SLC8A3: variants seen among roughly 807,000 people sequenced by gnomAD.
SLC8A3 encodes sodium/calcium exchanger 3.
SLC8A3 carries 37 observed loss-of-function variants against 65.4 expected under a neutral mutation model. The ratio of observed to expected loss-of-function variants is 0.57; its 90% CI spans 0.44 to 0.74. The LOEUF (loss-of-function observed/expected upper bound fraction) is 0.74, where lower values mean the gene tolerates loss of function less well. SLC8A3 is among the 30% of genes least tolerant of loss of function. The pLI is 0.00. For missense variants in SLC8A3, 1,112 were observed against 1,172.1 expected (o/e 0.95, Z 0.75); for synonymous variants, 461 against 444.5 (o/e 1.04, Z -0.47).
chr14:70,095,831 C>G (rs111429690), intron 2 of SLC8A3, among the ~76,000 whole-genome samples: 2,270 of 152,200 alleles, frequency 0.015, 24 homozygotes, highest in Middle Eastern at 0.024. Context: ...GTTTTCAGCA[C>G]CTGTTAAGGC....
At chr14:70,130,858 G>A (rs1894781093) in intron 2 of SLC8A3, among the ~76,000 whole-genome samples, 1 of 152,246 alleles carries the variant, frequency 6.6e-6, no homozygotes, top group African/African-American at 2.4e-5. Context: ...GAGCCATAGA[G>A]TAAGAGCCAC....
chr14:70,053,146 A>G (rs1172788383), intron 3 of SLC8A3, among the ~76,000 whole-genome samples: 1 of 152,222 alleles, frequency 6.6e-6, no homozygotes, highest in African/African-American at 2.4e-5. Context: ...GTGTTCGGGC[A>G]CCAAACACAG....
rs1414774425 is a variant in SLC8A3, at chr14:70,188,500, C to G, written c.-184G>C. On this transcript the variant is annotated 5_prime_UTR_variant, in exon 1 of 7. Coordinates refer to ENST00000356921, the MANE Select transcript of SLC8A3 (RefSeq NM_182932.3). ...CTCATCGCCCCCGCGGGCTGCCCGC[C>G]GGCCGCAGCCGCGTCCGGGGCATGT... 4 of 151,940 alleles carry G rather than the reference C, an allele frequency of 2.6e-5. No homozygotes were observed. The highest frequency in any genetic ancestry group is 5.9e-5 in the Non-Finnish European group (4 of 67,968). 9.4% of individuals were successfully genotyped at this position (151,940 alleles called of 1,614,324 possible). A position where few individuals can be genotyped will look rare whatever the true frequency, so the allele number is the denominator to read the frequency against.
intron 2 of SLC8A3, among the ~76,000 whole-genome samples, chr14:70,111,745 C>T (rs779350075): frequency 3.9e-5 from 6 of 152,056 alleles, no homozygotes; most frequent in Admixed American, 1.3e-4. Flanking sequence ...AAAGTGCATG[C>T]GAAAACATGT....
intron 2 of SLC8A3, among the ~76,000 whole-genome samples, chr14:70,061,711 T>G (rs1234820648): frequency 1.3e-5 from 2 of 152,142 alleles, no homozygotes; most frequent in Non-Finnish European, 2.9e-5. Flanking sequence ...TTACAGCTGA[T>G]GCATTTCTGG....
At chr14:70,059,336 C>G (rs1414962916) in intron 3 of SLC8A3, 2 of 152,320 alleles carry the variant, frequency 1.3e-5, no homozygotes, top group South Asian at 4.1e-4. Context: ...TTATGCTGCT[C>G]TTTGTCACAT....
intron 2 of SLC8A3, among the ~76,000 whole-genome samples, chr14:70,086,490 C>G (rs1891455914): frequency 6.7e-6 from 1 of 150,282 alleles, no homozygotes; most frequent in Non-Finnish European, 1.5e-5. Context: ...CAACCTCCGC[C>G]TCCCAGGTTC....
intron 3 of SLC8A3, chr14:70,055,845 G>T: frequency 6.3e-7 from 1 of 1,593,980 alleles, no homozygotes; most frequent in Non-Finnish European, 8.6e-7. Flanking sequence ...AAAAATGGAA[G>T]AAAGAAAAGG....
At chr14:70,162,043 C>T (rs1158325289) in intron 2 of SLC8A3, among the ~76,000 whole-genome samples, 1 of 97,444 alleles carries the variant, frequency 1.0e-5, no homozygotes, top group East Asian at 2.1e-4. Flanking sequence ...TTTCCGTGGG[C>T]TATTTTCCTT....
At chr14:70,157,644 AACATGTC>A (rs1405261501) in intron 2 of SLC8A3, among the ~76,000 whole-genome samples, 1 of 152,174 alleles carries the variant, frequency 6.6e-6, no homozygotes, top group Non-Finnish European at 1.5e-5. Flanking sequence ...GGAGACAGAA[AACATGTC>A]ACCCAGGAGG....
At chr14:70,047,250 C>T (rs1886895820) in intron 6 of SLC8A3, 1 of 152,154 alleles carries the variant, frequency 6.6e-6, no homozygotes, top group African/African-American at 2.4e-5. Context: ...CTCATTATTG[C>T]CATTTTTTTT....
rs532155215 is a variant in SLC8A3 at position 70,092,310 on chromosome 14, A to T, written c.1785-31371T>A. Among the ~76,000 whole-genome samples the T allele has an allele frequency of 1.4e-4, 21 of 152,208 alleles. 1 individual carries two copies. In the South Asian group the frequency reaches 3.5e-3, roughly 26 times the overall value. ...TTGAGGGTGTGCTCAAGTGTCCCTC[A>T]GCTCTCCTGGAATGCTTTCCTGATG... On this transcript the variant is annotated intron_variant, in intron 2 of 6. Transcript: ENST00000356921.
chr14:70,167,635 T>C lies in SLC8A3; in HGVS notation c.788A>G (p.Lys263Arg). 1 of 1,614,154 alleles carries C rather than the reference T, an allele frequency of 6.2e-7. No homozygotes were observed. The highest frequency in any genetic ancestry group is 8.5e-7 in the Non-Finnish European group (1 of 1,180,028). ...KRLLFYKYMH[K>R]KYRTDKHRGI... is the part of the protein sequence containing the mutation. Reference sequence around the variant, plus strand: ...TCGGTGTTTGTCTGTGCGGTACTTTTTGTGCATGTATTTGTAGAAGAGCAG... The same window carrying C: ...TCGGTGTTTGTCTGTGCGGTACTTTCTGTGCATGTATTTGTAGAAGAGCAG... The change falls in exon 2 of 7, where the codon AAA becomes AGA. Residue 263 changes from lysine (K) to arginine (R), a missense_variant. Lys to Arg is a conservative substitution (Grantham distance 26). Coordinates refer to ENST00000356921, the MANE Select transcript of SLC8A3 (RefSeq NM_182932.3).
At chr14:70,149,919 C>G (rs767879198) in intron 2 of SLC8A3, among the ~76,000 whole-genome samples, 1 of 152,176 alleles carries the variant, frequency 6.6e-6, no homozygotes, top group Non-Finnish European at 1.5e-5. Context: ...TTGGGAGCAG[C>G]CTGTCATGTT....
At chr14:70,122,191 T>G (rs1013134337) in intron 2 of SLC8A3, among the ~76,000 whole-genome samples, 3 of 152,202 alleles carry the variant, frequency 2.0e-5, no homozygotes, top group Non-Finnish European at 2.9e-5. Context: ...AGGTGGCATC[T>G]TTTCTGTGTG....
intron 2 of SLC8A3, among the ~76,000 whole-genome samples, chr14:70,106,823 T>C (rs1027227894): frequency 3.9e-5 from 6 of 152,168 alleles, no homozygotes; most frequent in Admixed American, 2.0e-4. Flanking sequence ...TTTGAGAATA[T>C]GGATGCTATG....
intron 2 of SLC8A3, among the ~76,000 whole-genome samples, chr14:70,063,655 G>A (rs1386279539): frequency 6.6e-6 from 1 of 152,200 alleles, no homozygotes; most frequent in South Asian, 2.1e-4. Context: ...GAGGACAGAG[G>A]AGAGGGAGGA....
At position 70,167,107 on chromosome 14, in the gene SLC8A3, G is replaced by C; in HGVS notation, c.1316C>G (p.Ser439Cys). ...CTCATAGTCAGCCCCTGCATTGGCA[G>C]AACCATCCTCTGTTTTGTAGTCCAC... ...MYVDYKTEDGSANAGADYEFT... is the reference protein window; with the variant it reads ...MYVDYKTEDGCANAGADYEFT... The change falls in exon 2 of 7, where the codon TCT becomes TGT. Residue 439 changes from serine (S) to cysteine (C), a missense_variant. Ser to Cys is a moderately radical substitution (Grantham distance 112). Coordinates refer to ENST00000356921, the MANE Select transcript of SLC8A3 (RefSeq NM_182932.3). The C allele has an allele frequency of 6.2e-7, 1 of 1,614,076 alleles. No homozygotes were observed. The highest frequency in any genetic ancestry group is 8.5e-7 in the Non-Finnish European group (1 of 1,180,024).
At chr14:70,143,031 A>C (rs4902783) in intron 2 of SLC8A3, among the ~76,000 whole-genome samples, 10 of 151,782 alleles carry the variant, frequency 6.6e-5, no homozygotes, top group Non-Finnish European at 1.3e-4. Context: ...GTCCCCAGCT[A>C]CCCCCAGCTT....
Sources: allele counts gnomAD v4.1 joint callset (sites outside exome capture counted in the v4.1 genomes callset), GRCh38; gene constraint gnomAD v4.1.1; transcripts MANE v1.5; gene names NCBI Gene and HGNC (gene_info 2026-07-23, HGNC 2026-07-21).